Variants in CDS1 observed in about 807,000 individuals in gnomAD.
The protein encoded by CDS1 is CDP-diacylglycerol synthase 1.
A neutral mutation model predicts 62.1 loss-of-function variants in CDS1; 41 were observed. The ratio of observed to expected loss-of-function variants is 0.66; its 90% CI spans 0.51 to 0.86. The LOEUF is 0.86. CDS1 is among the 40% of genes least tolerant of loss of function. The probability of loss-of-function intolerance (pLI) is 0.00; values close to 1 mark genes in which losing one functional copy is unlikely to be tolerated. For missense variants in CDS1, 470 were observed against 550.1 expected, an observed-to-expected ratio of 0.85 and a Z score of 1.46; for synonymous variants, 185 against 192.6, an observed-to-expected ratio of 0.96 and a Z score of 0.32.
intron 1 of CDS1, among the ~76,000 whole-genome samples, chr4:84,603,226 T>C (rs770072704): frequency 2.0e-5 from 3 of 152,200 alleles, no homozygotes; most frequent in Non-Finnish European, 4.4e-5. Flanking sequence ...TTCTGAATTG[T>C]TGGGTGCTTT....
At chr4:84,602,059 T>C (rs1722954333) in intron 1 of CDS1, among the ~76,000 whole-genome samples, 1 of 152,192 alleles carries the variant, frequency 6.6e-6, no homozygotes, top group African/African-American at 2.4e-5. Flanking sequence ...TGATCTCCAT[T>C]CACACTCTTA....
chr4:84,626,543 C>T (rs1227811820), intron 5 of CDS1, among the ~76,000 whole-genome samples: 1 of 152,188 alleles, frequency 6.6e-6, no homozygotes, highest in African/African-American at 2.4e-5. Flanking sequence ...GCCTCAGACT[C>T]CTTGGTAGCT....
chr4:84,613,859 T>C (rs1383618425), intron 3 of CDS1, among the ~76,000 whole-genome samples: 1 of 152,222 alleles, frequency 6.6e-6, no homozygotes, highest in Non-Finnish European at 1.5e-5. Flanking sequence ...TAACTTTTAA[T>C]TCGTGCTATG....
In CDS1 at chr4:84,638,934, A is replaced by G. The variant is rs1409757039; in HGVS notation, c.821A>G (p.Lys274Arg). The G allele has an allele frequency of 1.3e-6, 2 of 1,550,434 alleles. No homozygotes were observed. Among genetic ancestry groups the G allele is most frequent in the Non-Finnish European group, 1.7e-6 (2 of 1,148,982 alleles). ...GRTPLIKLSP[K>R]KTWEGFIGGF... ...TTTGCCCTTTTTTAGTTGTCTCCTA[A>G]AAAGACTTGGGAAGGATTCATTGGT... The change falls in exon 9 of 13, where the codon AAA (lysine) becomes AGA (arginine). Residue 274 changes from lysine to arginine, a missense_variant. Physicochemically the swap from Lys to Arg is conservative, Grantham distance 26. This residue lies in a region of CDS1 where 214 missense variants were observed against 242.4 expected (regional missense o/e 0.88). Transcript: ENST00000295887.
intron 10 of CDS1, 76 bp from the exon 11 acceptor site, chr4:84,642,948 T>A: frequency 7.2e-7 from 1 of 1,395,470 alleles, no homozygotes; most frequent in Non-Finnish European, 9.9e-7. Context: ...ACACAATGGT[T>A]CTTAGATCAG....
intron 12 of CDS1, among the ~76,000 whole-genome samples, chr4:84,646,575 A>G (rs1724564023): frequency 6.6e-6 from 1 of 152,182 alleles, no homozygotes; most frequent in South Asian, 2.1e-4. Flanking sequence ...AAGCATATTC[A>G]TTAGTTTTCA....
At chr4:84,640,731 C>T (rs1448022876) in intron 9 of CDS1, 107 bp from the exon 10 acceptor site, 6 of 836,224 alleles carry the variant, frequency 7.2e-6, no homozygotes, top group Non-Finnish European at 9.9e-6. Context: ...TTCTGGCATT[C>T]TATCTCTGGC....
intron 12 of CDS1, among the ~76,000 whole-genome samples, chr4:84,647,584 T>C (rs1009512078): frequency 6.6e-6 from 1 of 152,142 alleles, no homozygotes; most frequent in Non-Finnish European, 1.5e-5. Flanking sequence ...TGCTGTGAAG[T>C]TGCTGACTCT....
At chr4:84,616,489 C>T (rs1048552721) in intron 3 of CDS1, among the ~76,000 whole-genome samples, 4 of 152,150 alleles carry the variant, frequency 2.6e-5, no homozygotes, top group African/African-American at 9.7e-5. Context: ...TAAGCTTTTT[C>T]TGTTAAAGGA....
intron 5 of CDS1, among the ~76,000 whole-genome samples, chr4:84,630,558 GTA>G: frequency 6.6e-6 from 1 of 152,306 alleles, no homozygotes; most frequent in Non-Finnish European, 1.5e-5. Flanking sequence ...GCCTTGATAA[GTA>G]TAACTTGGAT....
intron 5 of CDS1, among the ~76,000 whole-genome samples, chr4:84,624,287 C>CA (rs1723787279): frequency 1.7e-5 from 2 of 121,026 alleles, no homozygotes; most frequent in African/African-American, 3.4e-5. Context: ...AAAAAAAAAA[C>CA]AAACAAAAAA....
chr4:84,594,592 A>C (rs1320990236), intron 1 of CDS1, among the ~76,000 whole-genome samples: 1 of 152,122 alleles, frequency 6.6e-6, no homozygotes, highest in Non-Finnish European at 1.5e-5. Context: ...TTTTAGGGTA[A>C]TATGTCCTGA....
intron 1 of CDS1, among the ~76,000 whole-genome samples, chr4:84,584,936 G>A (rs1375580828): frequency 6.6e-6 from 1 of 152,142 alleles, no homozygotes; most frequent in Non-Finnish European, 1.5e-5. Context: ...GAATTAATTA[G>A]GTTGGGATTT....
chr4:84,608,474 A>C (rs894084556), intron 2 of CDS1, among the ~76,000 whole-genome samples: 1 of 152,022 alleles, frequency 6.6e-6, no homozygotes, highest in Non-Finnish European at 1.5e-5. Flanking sequence ...ACGCCCGGCC[A>C]AGGAAATACT....
At chr4:84,636,925 C>T (rs1724230514) in intron 8 of CDS1, among the ~76,000 whole-genome samples, 1 of 152,188 alleles carries the variant, frequency 6.6e-6, no homozygotes, top group African/African-American at 2.4e-5. Flanking sequence ...TATTACCTGG[C>T]TGTTTTGATA....
rs1395301742 is a variant in CDS1, at chr4:84,619,532, A to G, written c.579A>G (p.Ala193=). ...HRFISFALYL[A]GFCMFVLSLV... ...TTATATCATTTGCCCTCTATCTGGC[A>G]GGTAAGTTAAGGAATATTCTGTATT... The change falls in exon 5 of 13, where the codon GCA becomes GCG. Residue 193 remains alanine, a splice_region_variant and synonymous_variant. Transcript: ENST00000295887. 3 of 1,562,446 alleles carry G rather than the reference A, an allele frequency of 1.9e-6. No homozygotes were observed. The highest frequency in any genetic ancestry group is 1.4e-5 in the African/African-American group (1 of 73,708).
At chr4:84,583,603 G>C (rs111247944) in intron 1 of CDS1, 85 bp downstream of exon 1, 30 of 753,062 alleles carry the variant, frequency 4.0e-5, no homozygotes, top group African/African-American at 3.8e-4. Context: ...GGTGGGGCCC[G>C]TCCAGCGTCA....
chr4:84,630,876 A>G (rs1448892819), intron 5 of CDS1, among the ~76,000 whole-genome samples: 1 of 152,190 alleles, frequency 6.6e-6, no homozygotes, highest in Non-Finnish European at 1.5e-5. Context: ...AATTTGGTTT[A>G]TATATTTTCA....
intron 1 of CDS1, among the ~76,000 whole-genome samples, chr4:84,592,151 C>T (rs1722609518): frequency 7.6e-6 from 1 of 131,164 alleles, no homozygotes; most frequent in African/African-American, 2.8e-5. Flanking sequence ...TCATTAATGA[C>T]CAATTTTTTT....
Sources: gnomAD v4.1 joint callset for allele counts (sites outside exome capture counted in the v4.1 genomes callset) on GRCh38, gnomAD v4.1.1 for gene constraint, gnomAD v4.1.1 regional missense constraint, MANE v1.5 for transcripts, NCBI Gene and HGNC (gene_info 2026-07-23, HGNC 2026-07-21) for gene names.